B3GALT1: variants seen among roughly 807,000 people sequenced by gnomAD.
B3GALT1 encodes the protein beta-1,3-galactosyltransferase 1, also known as UDP-Gal:betaGlcNAc beta 1,3-galactosyltransferase, polypeptide 1.
B3GALT1 carries 10 observed loss-of-function variants against 23.2 expected under a neutral mutation model. That is an observed-to-expected ratio of 0.43 (90% CI 0.27 to 0.73). The LOEUF is 0.73. Among genes scored for constraint, B3GALT1 ranks in the 30% least tolerant of loss-of-function variants. The pLI, the probability that B3GALT1 is intolerant of heterozygous loss-of-function variation, is 0.21. For missense variants in B3GALT1, 299 were observed against 405.4 expected (o/e 0.74, Z 2.25); for synonymous variants, 156 against 141.5 (o/e 1.10, Z -0.73).
intron 3 of B3GALT1, among the ~76,000 whole-genome samples, chr2:167,672,846 T>C (rs1044663376): frequency 4.9e-4 from 74 of 152,216 alleles, no homozygotes; most frequent in African/African-American, 1.8e-3. Context: ...GATTGTCCAA[T>C]TTGAATAATT....
intron 1 of B3GALT1, among the ~76,000 whole-genome samples, chr2:167,301,804 C>G (rs1195109029): frequency 1.3e-5 from 2 of 152,148 alleles, no homozygotes; most frequent in Admixed American, 1.3e-4. Flanking sequence ...CCACCTGGGC[C>G]CCCCAAAGTG....
At chr2:167,425,165 CAG>C (rs1195295278) in intron 1 of B3GALT1, among the ~76,000 whole-genome samples, 1 of 152,190 alleles carries the variant, frequency 6.6e-6, no homozygotes, top group Non-Finnish European at 1.5e-5. Flanking sequence ...ACAGAGCCTG[CAG>C]AGTCTTTGTT....
At chr2:167,641,718 G>T (rs1685655656) in intron 2 of B3GALT1, among the ~76,000 whole-genome samples, 1 of 152,086 alleles carries the variant, frequency 6.6e-6, no homozygotes, top group Non-Finnish European at 1.5e-5. Flanking sequence ...ACTGGCCTTG[G>T]TTTTCTCTGC....
chr2:167,434,711 C>CA (rs34999965), intron 1 of B3GALT1, among the ~76,000 whole-genome samples: 5 of 17,044 alleles, frequency 2.9e-4, no homozygotes, highest in East Asian at 1.1e-3. Context: ...CTATGAATGA[C>CA]CCCCCCCCCT....
intron 1 of B3GALT1, among the ~76,000 whole-genome samples, chr2:167,455,599 TG>T (rs1411810078): frequency 6.6e-6 from 1 of 152,110 alleles, no homozygotes; most frequent in Non-Finnish European, 1.5e-5. Flanking sequence ...CTGCAATCTA[TG>T]CCTCCAGGTT....
At chr2:167,613,538 C>T (rs1300421539) in intron 2 of B3GALT1, among the ~76,000 whole-genome samples, 3 of 151,466 alleles carry the variant, frequency 2.0e-5, no homozygotes, top group African/African-American at 4.8e-5. Flanking sequence ...CTGTTTATAA[C>T]GTGAGTTTTG....
intron 2 of B3GALT1, among the ~76,000 whole-genome samples, chr2:167,567,765 T>G (rs974008049): frequency 6.6e-6 from 1 of 152,120 alleles, no homozygotes; most frequent in Non-Finnish European, 1.5e-5. Context: ...TAGTTTACAT[T>G]AGGATTCACT....
intron 3 of B3GALT1, among the ~76,000 whole-genome samples, chr2:167,657,001 G>T (rs550186942): frequency 6.6e-6 from 1 of 152,168 alleles, no homozygotes; most frequent in East Asian, 1.9e-4. Flanking sequence ...CAGGAAAGAG[G>T]CATCCCTGAG....
intron 1 of B3GALT1, among the ~76,000 whole-genome samples, chr2:167,375,254 G>A (rs1218874819): frequency 6.6e-6 from 1 of 152,092 alleles, no homozygotes; most frequent in African/African-American, 2.4e-5. Context: ...TTATAGTATA[G>A]TTTGAAGTCA....
chr2:167,838,468 C>T (rs1014364521), intron 4 of B3GALT1, among the ~76,000 whole-genome samples: 195 of 152,086 alleles, frequency 1.3e-3, no homozygotes, highest in Middle Eastern at 3.4e-3. Flanking sequence ...TCTCCCAAGA[C>T]TAAACCAGGA....
chr2:167,415,467 G>A (rs1309094212), intron 1 of B3GALT1, among the ~76,000 whole-genome samples: 1 of 152,116 alleles, frequency 6.6e-6, no homozygotes, highest in Non-Finnish European at 1.5e-5. Context: ...TATAAATGAT[G>A]GAAAATGAGC....
chr2:167,833,596 ATTC>A (rs1293687437), intron 4 of B3GALT1, among the ~76,000 whole-genome samples: 1 of 152,170 alleles, frequency 6.6e-6, no homozygotes, highest in African/African-American at 2.4e-5. Context: ...CGTGATGTAA[ATTC>A]TTCTTTTCTC....
At chr2:167,734,146 T>A (rs1687455580) in intron 3 of B3GALT1, among the ~76,000 whole-genome samples, 1 of 152,126 alleles carries the variant, frequency 6.6e-6, no homozygotes, top group South Asian at 2.1e-4. Context: ...TATTTACAGG[T>A]CTATAAAAAA....
chr2:167,408,015 GACACACACACACAC>G (rs56318085), intron 1 of B3GALT1, among the ~76,000 whole-genome samples: 17,770 of 129,564 alleles, frequency 0.14, 1,276 homozygotes, highest in East Asian at 0.29. Context: ...AGCAGGCAAA[GACACACACACACAC>G]ACACACACAC....
At chr2:167,571,856 A>G (rs1684298897) in intron 2 of B3GALT1, among the ~76,000 whole-genome samples, 1 of 151,916 alleles carries the variant, frequency 6.6e-6, no homozygotes, top group Non-Finnish European at 1.5e-5. Flanking sequence ...TAATTTAGAC[A>G]CTTGAAATTT....
intron 3 of B3GALT1, among the ~76,000 whole-genome samples, chr2:167,812,981 A>ACCC (rs1688920378): frequency 1.0e-5 from 1 of 99,376 alleles, no homozygotes; most frequent in Admixed American, 9.3e-5. Context: ...ACACACACGC[A>ACCC]CCACCACCAC....
At chr2:167,401,592 C>T (rs1050559834) in intron 1 of B3GALT1, among the ~76,000 whole-genome samples, 2 of 152,116 alleles carry the variant, frequency 1.3e-5, no homozygotes, top group African/African-American at 4.8e-5. Flanking sequence ...ACTGCATCCC[C>T]AACTACAGGA....
intron 3 of B3GALT1, among the ~76,000 whole-genome samples, chr2:167,813,353 T>G (rs1432710644): frequency 6.6e-6 from 1 of 152,218 alleles, no homozygotes; most frequent in East Asian, 1.9e-4. Context: ...ACTTTCTGTC[T>G]TCTTTGATGC....
At chr2:167,421,091 G>A (rs989861481) in intron 1 of B3GALT1, among the ~76,000 whole-genome samples, 1 of 152,070 alleles carries the variant, frequency 6.6e-6, no homozygotes, top group Non-Finnish European at 1.5e-5. Context: ...ATTGTTCAAA[G>A]GAAAATAATT....
Sources: gnomAD v4.1 joint callset for allele counts (sites outside exome capture counted in the v4.1 genomes callset) on GRCh38, gnomAD v4.1.1 for gene constraint, MANE v1.5 for transcripts, NCBI Gene and HGNC (gene_info 2026-07-23, HGNC 2026-07-21) for gene names.